Variants in TWIST2 observed in about 807,000 individuals in gnomAD.
The protein encoded by TWIST2 is twist-related protein 2.
A neutral mutation model predicts 11.6 loss-of-function variants in TWIST2; 1 was observed. The ratio of observed to expected loss-of-function variants is 0.09; its 90% CI spans 0.03 to 0.41. TWIST2 has a LOEUF of 0.41. Among genes scored for constraint, TWIST2 ranks in the 10% least tolerant of loss-of-function variants. The pLI is 0.98. For synonymous variants in TWIST2, 87 were observed against 96.6 expected (o/e 0.90, Z 0.58); for missense variants, 168 against 226.4 (o/e 0.74, Z 1.66).
At chr2:238,879,776 G>GC (rs1692873277) in intron 1 of TWIST2, among the ~76,000 whole-genome samples, 1 of 152,242 alleles carries the variant, frequency 6.6e-6, no homozygotes, top group Non-Finnish European at 1.5e-5. Flanking sequence ...CCCTGGACCT[G>GC]CAGAAGGGCA....
At chr2:238,905,503 G>A (rs1379313977) in intron 1 of TWIST2, among the ~76,000 whole-genome samples, 1 of 152,172 alleles carries the variant, frequency 6.6e-6, no homozygotes, top group Non-Finnish European at 1.5e-5. Flanking sequence ...GAAGACTAAT[G>A]AACCTGCCGC....
intron 1 of TWIST2, among the ~76,000 whole-genome samples, chr2:238,894,709 C>A (rs1693187685): frequency 6.6e-6 from 1 of 152,222 alleles, no homozygotes; most frequent in East Asian, 1.9e-4. Flanking sequence ...CTGTGCCTCC[C>A]ATCTCTGCCT....
At chr2:238,854,416 T>C (rs1442342946) in intron 1 of TWIST2, among the ~76,000 whole-genome samples, 1 of 152,194 alleles carries the variant, frequency 6.6e-6, no homozygotes, top group African/African-American at 2.4e-5. Flanking sequence ...CCCCTTGATT[T>C]GTATTAACCC....
intron 1 of TWIST2, among the ~76,000 whole-genome samples, chr2:238,873,113 A>C (rs1692738271): frequency 6.6e-6 from 1 of 152,220 alleles, no homozygotes; most frequent in Non-Finnish European, 1.5e-5. Flanking sequence ...CAAACAAAGA[A>C]GACAAGGATG....
At chr2:238,888,052 C>T (rs1045124376) in intron 1 of TWIST2, among the ~76,000 whole-genome samples, 2 of 152,190 alleles carry the variant, frequency 1.3e-5, no homozygotes, top group African/African-American at 4.8e-5. Flanking sequence ...AGCTCAGTTC[C>T]GAAAGACACT....
chr2:238,877,055 G>T (rs1692819637), intron 1 of TWIST2, among the ~76,000 whole-genome samples: 1 of 152,036 alleles, frequency 6.6e-6, no homozygotes, highest in African/African-American at 2.4e-5. Flanking sequence ...AAATTAGCTG[G>T]GCGTGGTGGC....
Position 238,891,774 on chromosome 2 carries a change from AC to A in TWIST2, c.*36-18064del, listed in dbSNP as rs199884767. On this transcript the variant is annotated intron_variant, in intron 1 of 1. Coordinates refer to ENST00000612363, the MANE Select transcript of TWIST2 (RefSeq NM_001271893.4). ...ACATTTTCCAGGCTTGAGTCCAAAA[AC>A]CCCGCTATTCTCCGTGTCTCCGCTG... 3.3e-3 allele frequency among the ~76,000 whole-genome samples: 500 copies of A among 150,880 alleles called. 5 individuals are homozygous for A. Among genetic ancestry groups the A allele is most frequent in the African/African-American group, 0.011 (472 of 41,070 alleles).
chr2:238,894,518 C>T (rs1693184749), intron 1 of TWIST2, among the ~76,000 whole-genome samples: 2 of 152,196 alleles, frequency 1.3e-5, no homozygotes, highest in South Asian at 4.1e-4. Context: ...CTGCCCAGGC[C>T]CCACCTCGGG....
rs537812052 is a variant in TWIST2 at position 238,858,424 on chromosome 2, T to C, written c.*35+9691T>C. Among the ~76,000 whole-genome samples the C allele has an allele frequency of 1.8e-3, 270 of 152,308 alleles. 1 individual carries two copies. The highest frequency in any genetic ancestry group is 5.9e-3 in the African/African-American group (245 of 41,562). ...GTGGTATTTTTCTAATTTGGGAAAT[T>C]TTAATTAGGCAGAAACCAAAGGCTG... On this transcript the variant is annotated intron_variant, in intron 1 of 1. Coordinates refer to ENST00000612363, the MANE Select transcript of TWIST2 (RefSeq NM_001271893.4).
chr2:238,878,185 C>T (rs1051367573), intron 1 of TWIST2, among the ~76,000 whole-genome samples: 1 of 152,148 alleles, frequency 6.6e-6, no homozygotes, highest in East Asian at 1.9e-4. Flanking sequence ...GGTGCCCTCT[C>T]CCCCACTGTA....
At chr2:238,879,892 G>T (rs143509083) in intron 1 of TWIST2, among the ~76,000 whole-genome samples, 408 of 152,372 alleles carry the variant, frequency 2.7e-3, no homozygotes, top group African/African-American at 9.3e-3. Context: ...GGGAGAGGCA[G>T]AGATAGTTTA....
chr2:238,886,387 TAA>T (rs36009999), intron 1 of TWIST2, among the ~76,000 whole-genome samples: 81,574 of 151,672 alleles, frequency 0.54, 22,077 homozygotes, highest in Middle Eastern at 0.6. Context: ...TTTGTTTTGC[TAA>T]AAGTTTCATT....
rs138399806 is a variant in TWIST2, at chr2:238,879,738, C to T, written c.*36-30104C>T. 5.6e-3 allele frequency among the ~76,000 whole-genome samples: 860 copies of T among 152,340 alleles called. 8 individuals are homozygous for T. Among genetic ancestry groups the T allele is most frequent in the African/African-American group, 0.019 (795 of 41,564 alleles). On this transcript the variant is annotated intron_variant, in intron 1 of 1. Transcript: ENST00000612363. ...CATGGACAGCCCTGCCAGACCTTGC[C>T]CCACACAGGCAGTACCTGTGGGAAG... is the stretch of plus-strand genomic sequence containing the variant.
intron 1 of TWIST2, among the ~76,000 whole-genome samples, chr2:238,869,547 T>C (rs1232757223): frequency 6.6e-6 from 1 of 152,160 alleles, no homozygotes; most frequent in African/African-American, 2.4e-5. Context: ...AGGCCTTAAA[T>C]AGGCATTTCT....
At chr2:238,859,104 C>T (rs1004657088) in intron 1 of TWIST2, among the ~76,000 whole-genome samples, 8 of 150,336 alleles carry the variant, frequency 5.3e-5, no homozygotes, top group African/African-American at 2.0e-4. Context: ...TCCAGCTACT[C>T]GGGAGGCTGA....
Position 238,848,483 on chromosome 2 carries a change from C to G in TWIST2, c.268C>G (p.Arg90Gly). The stretch of plus-strand genomic sequence containing the variant: ...GCTCAACGAGGCCTTCGCGGCGCTG[C>G]GCAAGATCATCCCCACGCTGCCCTC... Reference protein sequence around the residue: ...QSLNEAFAALRKIIPTLPSDK... With the variant: ...QSLNEAFAALGKIIPTLPSDK... Residue 90 changes from arginine (R) to glycine (G), a missense_variant, in exon 1 of 2, where the codon CGC becomes GGC. Physicochemically the swap from Arg to Gly is moderately radical, Grantham distance 125 (BLOSUM62 -2). Around this residue, in one of 3 missense-constraint regions of TWIST2, gnomAD observed 23 missense variants for 58.5 expected, o/e 0.39. Transcript: ENST00000612363. The G allele has an allele frequency of 6.3e-7, 1 of 1,578,444 alleles. No homozygotes were observed. Among genetic ancestry groups the G allele is most frequent in the Non-Finnish European group, 8.6e-7 (1 of 1,164,292 alleles).
rs1374635470 is a variant in TWIST2, at chr2:238,848,804, GC to G, written c.*35+73del. ...GCGGCAGGGGCGCAGGGGCATTGGG[GC>G]CTGCTCGTGTCTCCTCGGCGAGGCC... is the stretch of plus-strand genomic sequence containing the variant. On this transcript the variant is annotated intron_variant, in intron 1 of 1. Coordinates refer to ENST00000612363, the MANE Select transcript of TWIST2 (RefSeq NM_001271893.4). The G allele has an allele frequency of 2.2e-5, 26 of 1,189,972 alleles. No individual in the cohort carries two copies. The Admixed American group carries it at 6.5e-4, about 30-fold the overall frequency. The allele number at this position is 1,189,972 out of a possible 1,614,324, so 73.7% of individuals were successfully genotyped here. A position where few individuals can be genotyped will look rare whatever the true frequency, so the allele number is the denominator to read the frequency against.
chr2:238,865,778 G>A (rs368110133), intron 1 of TWIST2, among the ~76,000 whole-genome samples: 26 of 151,844 alleles, frequency 1.7e-4, no homozygotes, highest in East Asian at 1.2e-3. Flanking sequence ...CTTTTTATAC[G>A]TGGTGCCAGT....
intron 1 of TWIST2, among the ~76,000 whole-genome samples, chr2:238,883,926 G>A (rs1008657900): frequency 6.6e-6 from 1 of 152,168 alleles, no homozygotes; most frequent in African/African-American, 2.4e-5. Flanking sequence ...AGCCGGAGTC[G>A]TGAGCCGCGC....
Sources: allele counts gnomAD v4.1 joint callset (sites outside exome capture counted in the v4.1 genomes callset), GRCh38; gene constraint gnomAD v4.1.1; regional missense constraint gnomAD v4.1.1; transcripts MANE v1.5; gene names NCBI Gene and HGNC (gene_info 2026-07-23, HGNC 2026-07-21).